The following NDRG2 variants were observed in gnomAD, a reference collection of about 807,000 sequenced individuals.
NDRG2 encodes the protein NDRG family member 2.
A neutral mutation model predicts 58.2 loss-of-function variants in NDRG2; 34 were observed. That is an observed-to-expected ratio of 0.58 (90% CI 0.44 to 0.78). The LOEUF (loss-of-function observed/expected upper bound fraction) is 0.78, where lower values mean the gene tolerates loss of function less well. Ranked by LOEUF, NDRG2 falls within the 30% of genes least tolerant of loss-of-function variation. The probability of loss-of-function intolerance (pLI) is 0.00; values close to 1 mark genes in which losing one functional copy is unlikely to be tolerated. For synonymous variants in NDRG2, 187 were observed against 175.9 expected, an observed-to-expected ratio of 1.06 and a Z score of -0.50; for missense variants, 434 against 471.2, an observed-to-expected ratio of 0.92 and a Z score of 0.73.
chr14:21,025,432 C>G, upstream of NDRG2: 1 of 985,676 alleles, frequency 1.0e-6, no homozygotes, highest in Non-Finnish European at 1.2e-6. The surrounding 1 kb of genome is among the most constrained non-coding windows in gnomAD (Gnocchi z 5.1). Context: ...TCCTTCGCCC[C>G]CAGACTCAGT....
chr14:21,035,417 C>T (rs770197564), intron 1 of NDRG2, among the ~76,000 whole-genome samples: 12 of 152,208 alleles, frequency 7.9e-5, no homozygotes, highest in Non-Finnish European at 1.2e-4. Flanking sequence ...GGCCACGCTC[C>T]TATCTTTTTC....
At chr14:21,065,573 G>A (rs1269421341) in intron 1 of NDRG2, among the ~76,000 whole-genome samples, 1 of 152,180 alleles carries the variant, frequency 6.6e-6, no homozygotes, top group Non-Finnish European at 1.5e-5. Flanking sequence ...AAAATGCTAT[G>A]AAGAAAATAC....
At chr14:21,027,461 G>C (rs1265327939), upstream of NDRG2, among the ~76,000 whole-genome samples, 1 of 152,172 alleles carries the variant, frequency 6.6e-6, no homozygotes, top group Non-Finnish European at 1.5e-5. Flanking sequence ...TACAAACACA[G>C]GACAAGTTAT....
rs1296933788 is a variant in NDRG2, at chr14:21,050,965, A to G, written c.24+19863T>C. Among the ~76,000 whole-genome samples, 3 of 152,292 alleles carry G rather than the reference A, an allele frequency of 2.0e-5. No homozygotes were observed. In the East Asian group the frequency reaches 5.8e-4, roughly 30 times the overall value. On this transcript the variant is annotated intron_variant, in intron 1 of 14. Coordinates refer to the NDRG2 transcript ENST00000403829. Reference sequence around the variant, plus strand: ...TAAATTATTTCAAAGTGAAAATGCTAAAAAAATTTAATGTAACTCATTTGA... The same window carrying G: ...TAAATTATTTCAAAGTGAAAATGCTGAAAAAATTTAATGTAACTCATTTGA...
At chr14:21,057,387 G>C (rs1885720717) in intron 1 of NDRG2, among the ~76,000 whole-genome samples, 1 of 151,448 alleles carries the variant, frequency 6.6e-6, no homozygotes, top group Admixed American at 6.6e-5. Flanking sequence ...AGTGAGCCAA[G>C]ATCGCGCCAT....
At chr14:21,027,085 ACGCAGGGG>A (rs1347100708), upstream of NDRG2, among the ~76,000 whole-genome samples, 1 of 152,212 alleles carries the variant, frequency 6.6e-6, no homozygotes, top group Non-Finnish European at 1.5e-5. Flanking sequence ...TAAGGGGCCT[ACGCAGGGG>A]CGCAGGGCAG....
chr14:21,070,617 TC>T lies in NDRG2; in HGVS notation c.24+210del, dbSNP rs549612692. On this transcript the variant is annotated intron_variant, in intron 1 of 14. Transcript: ENST00000403829. This position sits in a 1 kb window ranked among gnomAD's most constrained non-coding sequence, Gnocchi z 4.7. ...TTGCCCTCACCCTTTCTTCCTCCTC[TC>T]CTCCGCCTCCTCCCCCATCCTCCCT... Among the ~76,000 whole-genome samples the T allele has an allele frequency of 6.6e-6, 1 of 151,714 alleles. No individual in the cohort carries two copies. The highest frequency in any genetic ancestry group is 1.5e-5 in the Non-Finnish European group (1 of 67,914).
chr14:21,020,408 C>T, intron 8 of NDRG2, 88 bp downstream of exon 8: 1 of 1,020,954 alleles, frequency 9.8e-7, no homozygotes, highest in South Asian at 1.4e-5. Flanking sequence ...GTTCAGAGTC[C>T]ATCCAGTTAG....
intron 1 of NDRG2, chr14:21,043,077 A>G (rs747590329): frequency 6.2e-7 from 1 of 1,614,102 alleles, no homozygotes; most frequent in East Asian, 2.2e-5. Context: ...AGTCAGTGCC[A>G]AGCCCAAGGG....
upstream of NDRG2, chr14:21,025,761 G>A: frequency 1.1e-6 from 1 of 909,274 alleles, no homozygotes; most frequent in Non-Finnish European, 1.3e-6. The surrounding 1 kb of genome is among the most constrained non-coding windows in gnomAD (Gnocchi z 5.1). Context: ...GTGGGGGCGG[G>A]GAATGCGGGG....
rs1348127496 is a variant in NDRG2 at position 21,025,052 on chromosome 14, A to G, written c.-1029T>C. 2.0e-6 allele frequency: 2 copies of G among 980,452 alleles called. No individual in the cohort carries two copies. Among genetic ancestry groups the G allele is most frequent in the African/African-American group, 1.8e-5 (1 of 54,954 alleles). 60.7% of individuals were successfully genotyped at this position (980,452 alleles called of 1,614,324 possible). ...ACCTGCTGCCGCCGCGGCCGCTTCC[A>G]CCTTCACTTGCCTTTGACTCGGGCC... is the stretch of plus-strand genomic sequence containing the variant. On this transcript the variant is annotated 5_prime_UTR_variant, in exon 1 of 16. Coordinates refer to ENST00000556147, the MANE Select transcript of NDRG2 (RefSeq NM_001320329.2). This position sits in a 1 kb window ranked among gnomAD's most constrained non-coding sequence, Gnocchi z 5.1.
chr14:21,064,405 G>A (rs190335722), intron 1 of NDRG2, among the ~76,000 whole-genome samples: 1 of 151,846 alleles, frequency 6.6e-6, no homozygotes, highest in Admixed American at 6.6e-5. Context: ...GGGTTCAAGC[G>A]ATTCTCCTGT....
At chr14:21,019,286 T>A (rs1354163442) in intron 10 of NDRG2, 126 bp from the exon 11 acceptor site, 2 of 966,172 alleles carry the variant, frequency 2.1e-6, no homozygotes. Flanking sequence ...TTATTAAAGG[T>A]GGAAACCAAA....
intron 1 of NDRG2, chr14:21,034,158 T>C: frequency 6.2e-7 from 1 of 1,614,068 alleles, no homozygotes; most frequent in Non-Finnish European, 8.5e-7. Context: ...ACCCTTTGGG[T>C]AGTTAACCCT....
At chr14:21,033,112 C>A in intron 1 of NDRG2, 1 of 404,058 alleles carries the variant, frequency 2.5e-6, no homozygotes, top group South Asian at 1.8e-5. Flanking sequence ...GCCAGTGAGC[C>A]AAGGTAAGAA....
chr14:21,046,684 C>T (rs1476878704), intron 1 of NDRG2, among the ~76,000 whole-genome samples: 3 of 152,158 alleles, frequency 2.0e-5, no homozygotes, highest in Non-Finnish European at 4.4e-5. Context: ...TAACCTTTGA[C>T]TCCCCCAAAA....
upstream of NDRG2, chr14:21,025,233 C>CG (rs1186817352): frequency 4.7e-6 from 4 of 851,670 alleles, no homozygotes; most frequent in Non-Finnish European, 5.7e-6. The surrounding 1 kb of genome is among the most constrained non-coding windows in gnomAD (Gnocchi z 5.1). Flanking sequence ...GTGCTGGGGC[C>CG]GGGGGGCGAG....
intron 9 of NDRG2, 51 bp downstream of exon 9, chr14:21,019,869 A>C: frequency 6.3e-7 from 1 of 1,596,232 alleles, no homozygotes; most frequent in East Asian, 2.2e-5. Flanking sequence ...CCAAGCATTC[A>C]AGTTCCCTGC....
In NDRG2 at chr14:21,018,012, CT is replaced by C; in HGVS notation, c.923del (p.Lys308SerfsTer15). The C allele has an allele frequency of 6.2e-7, 1 of 1,614,188 alleles. No homozygotes were observed. Among genetic ancestry groups the C allele is most frequent in the Non-Finnish European group, 8.5e-7 (1 of 1,180,038 alleles). ...TGTAGCCCATGCCTTGCAGGAAGTA[CT>C]TGAAGGCCTCGGTCAGCTTGCCTGG... Reference protein sequence around the residue: ...TQPGKLTEAFKYFLQGMGYMA... With the variant: ...TQPGKLTEAFXYFLQGMGYMA... On this transcript the variant is annotated frameshift_variant, in exon 15 of 16. Coordinates refer to ENST00000556147, the MANE Select transcript of NDRG2 (RefSeq NM_001320329.2). LOFTEE classifies it high-confidence loss of function.
Sources: allele counts gnomAD v4.1 joint callset (sites outside exome capture counted in the v4.1 genomes callset), GRCh38; gene constraint gnomAD v4.1.1; non-coding constraint Gnocchi (gnomAD v3.1); transcripts MANE v1.5; gene names NCBI Gene and HGNC (gene_info 2026-07-23, HGNC 2026-07-21).